THNSL1: variants seen among roughly 807,000 people sequenced by gnomAD.
The protein encoded by THNSL1 is threonine synthase like 1.
THNSL1 carries 48 observed loss-of-function variants against 50.4 expected under a neutral mutation model. The observed-to-expected ratio is 0.95, with a 90% CI of 0.76 to 1.21. The LOEUF (loss-of-function observed/expected upper bound fraction) is 1.21, where lower values mean the gene tolerates loss of function less well. THNSL1 is among the 50% of genes most tolerant of loss of function. THNSL1 has a pLI of 0.00. For missense variants in THNSL1, 896 were observed against 871.7 expected (o/e 1.03, Z -0.35); for synonymous variants, 309 against 306.1 (o/e 1.01, Z -0.10).
At chr10:24,998,083 A>C in the THNSL1 span, among the ~76,000 whole-genome samples, 1 of 152,130 alleles carries the variant, frequency 6.6e-6, no homozygotes, top group Non-Finnish European at 1.5e-5. Flanking sequence ...ATCTTGCCTG[A>C]TAGTGCCCTC....
chr10:24,985,924 C>T, the THNSL1 span, among the ~76,000 whole-genome samples: 2,544 of 152,098 alleles, frequency 0.017, 77 homozygotes, highest in African/African-American at 0.059. Context: ...AAAAAATAGC[C>T]AGGTGTGGTA....
the THNSL1 span, among the ~76,000 whole-genome samples, chr10:24,990,198 A>C: frequency 6.6e-6 from 1 of 152,240 alleles, no homozygotes; most frequent in South Asian, 2.1e-4. Context: ...TTGTAGAGGA[A>C]GGTAGGCTTC....
chr10:24,992,660 C>A, the THNSL1 span, among the ~76,000 whole-genome samples: 5,579 of 152,268 alleles, frequency 0.037, 139 homozygotes, highest in Non-Finnish European at 0.058. Context: ...TGTAACAACC[C>A]TCAAAGGGCA....
the THNSL1 span, among the ~76,000 whole-genome samples, chr10:24,981,195 T>C: frequency 1.4e-4 from 21 of 152,348 alleles, no homozygotes; most frequent in Admixed American, 1.4e-3. Context: ...TCTGAGTTCC[T>C]GAGAACAGTG....
chr10:25,002,546 ATGT>A, the THNSL1 span, among the ~76,000 whole-genome samples: 1 of 151,946 alleles, frequency 6.6e-6, no homozygotes, highest in Non-Finnish European at 1.5e-5. Flanking sequence ...TGACCACTCT[ATGT>A]TGTTTATTGT....
chr10:25,024,791 TG>T lies in THNSL1; in HGVS notation c.1571del (p.Gly524GlufsTer17). 6.2e-7 allele frequency: 1 copy of T among 1,614,188 alleles called. No individual in the cohort carries two copies. The highest frequency in any genetic ancestry group is 8.5e-7 in the Non-Finnish European group (1 of 1,180,034). The stretch of plus-strand genomic sequence containing the variant: ...TTAGCAGCAGTGTATGCCAAAATGA[TG>T]GGAATCCCGATTCGAAAATTTATCT... ...NILAAVYAKM[M>X]GIPIRKFICA... On this transcript the variant is annotated frameshift_variant, in exon 3 of 3. Coordinates refer to ENST00000376356, the MANE Select transcript of THNSL1 (RefSeq NM_024838.5). LOFTEE classifies it high-confidence loss of function.
upstream of THNSL1, among the ~76,000 whole-genome samples, chr10:25,012,763 G>T (rs1370398066): frequency 6.6e-6 from 1 of 152,210 alleles, no homozygotes; most frequent in Non-Finnish European, 1.5e-5. Flanking sequence ...TCTCAAATGA[G>T]ACTTTGAACT....
upstream of THNSL1, among the ~76,000 whole-genome samples, chr10:25,015,054 T>C (rs1850534541): frequency 6.6e-6 from 1 of 152,302 alleles, no homozygotes; most frequent in South Asian, 2.1e-4. Context: ...CGGACAAGGA[T>C]GATGGTAAAA....
the THNSL1 span, among the ~76,000 whole-genome samples, chr10:24,970,615 C>T: frequency 3.3e-5 from 5 of 151,426 alleles, no homozygotes; most frequent in Admixed American, 1.3e-4. Flanking sequence ...TGGGAGGCTG[C>T]GGCAGGAGGA....
chr10:24,977,654 C>T, the THNSL1 span, among the ~76,000 whole-genome samples: 8 of 152,168 alleles, frequency 5.3e-5, no homozygotes, highest in African/African-American at 1.9e-4. Context: ...TACAGCATTA[C>T]TAACTGAAAA....
rs1465278905 is a variant in THNSL1 at position 25,026,078 on chromosome 10, C to T, written c.*623C>T. The T allele has an allele frequency of 1.9e-5, 3 of 154,612 alleles. No individual in the cohort carries two copies. Among genetic ancestry groups the T allele is most frequent in the Non-Finnish European group, 2.9e-5 (2 of 68,198 alleles). 9.6% of individuals were successfully genotyped at this position (154,612 alleles called of 1,614,324 possible). ...ATTTTTAATAGAGATGAGGTTTCGC[C>T]ATGTTTTCCAGGCTGATCTTGAACC... is the stretch of plus-strand genomic sequence containing the variant. On this transcript the variant is annotated 3_prime_UTR_variant, in exon 3 of 3. Coordinates refer to ENST00000376356, the MANE Select transcript of THNSL1 (RefSeq NM_024838.5).
At chr10:24,971,909 GGC>G in the THNSL1 span, among the ~76,000 whole-genome samples, 1 of 152,164 alleles carries the variant, frequency 6.6e-6, no homozygotes, top group Non-Finnish European at 1.5e-5. Context: ...AAAATGTCTT[GGC>G]CAGGTGCAGT....
the THNSL1 span, among the ~76,000 whole-genome samples, chr10:24,960,484 T>C: frequency 2.0e-4 from 31 of 152,174 alleles, no homozygotes; most frequent in African/African-American, 6.0e-4. Context: ...CTGGAGTGCA[T>C]GGAGCAATCT....
the THNSL1 span, among the ~76,000 whole-genome samples, chr10:25,003,181 AATTT>A: frequency 7.6e-3 from 1,120 of 146,978 alleles, 4 homozygotes; most frequent in Admixed American, 0.012. Context: ...TTAATTAATT[AATTT>A]ATTTATTTAT....
chr10:24,994,153 A>G, the THNSL1 span, among the ~76,000 whole-genome samples: 1 of 152,144 alleles, frequency 6.6e-6, no homozygotes, highest in East Asian at 1.9e-4. Flanking sequence ...TTATCATGGT[A>G]GATCACTGGA....
chr10:25,022,910 T>A (rs1850753588), intron 2 of THNSL1, among the ~76,000 whole-genome samples: 1 of 152,196 alleles, frequency 6.6e-6, no homozygotes, highest in Non-Finnish European at 1.5e-5. Context: ...AATACAAGTT[T>A]CTGTTTTTTA....
chr10:24,997,368 C>G, the THNSL1 span, among the ~76,000 whole-genome samples: 10 of 151,812 alleles, frequency 6.6e-5, no homozygotes, highest in South Asian at 4.2e-4. Flanking sequence ...TTTGCAAAAC[C>G]CTGCATTCCT....
At chr10:24,995,592 C>A in the THNSL1 span, 1 of 1,438,086 alleles carries the variant, frequency 7.0e-7, no homozygotes, top group South Asian at 1.3e-5. Context: ...ATCATGAACA[C>A]CATATTTAAA....
At chr10:24,999,607 A>G in the THNSL1 span, 1 of 1,400,382 alleles carries the variant, frequency 7.1e-7, no homozygotes, top group South Asian at 1.3e-5. Context: ...CCTAAAGTTT[A>G]CTTAAAGTTT....
Sources: gnomAD v4.1 joint callset for allele counts (sites outside exome capture counted in the v4.1 genomes callset) on GRCh38, gnomAD v4.1.1 for gene constraint, MANE v1.5 for transcripts, NCBI Gene and HGNC (gene_info 2026-07-23, HGNC 2026-07-21) for gene names.